Variants in NEDD4 observed in about 807,000 individuals in gnomAD.
NEDD4 encodes the protein NEDD4 E3 ubiquitin protein ligase.
Under a neutral mutation model 144.9 loss-of-function variants are expected in NEDD4, and 99 were observed. The observed-to-expected ratio is 0.68, with a 90% CI of 0.58 to 0.81. The LOEUF (loss-of-function observed/expected upper bound fraction) is 0.81, where lower values mean the gene tolerates loss of function less well. Among genes scored for constraint, NEDD4 ranks in the 30% least tolerant of loss-of-function variants. The pLI is 0.00. For synonymous variants in NEDD4, 318 were observed against 350.6 expected, an observed-to-expected ratio of 0.91 and a Z score of 1.04; for missense variants, 985 against 1,065.9, an observed-to-expected ratio of 0.92 and a Z score of 1.06.
intron 1 of NEDD4, among the ~76,000 whole-genome samples, 161 bp downstream of exon 1, chr15:55,993,350 C>T (rs903922675): frequency 1.3e-5 from 2 of 152,154 alleles, no homozygotes; most frequent in Non-Finnish European, 2.9e-5. Context: ...CCGAGCCGCC[C>T]CCACAGTCCC....
chr15:55,967,986 G>C (rs976485200), intron 1 of NEDD4, among the ~76,000 whole-genome samples: 1 of 152,130 alleles, frequency 6.6e-6, no homozygotes, highest in Non-Finnish European at 1.5e-5. Flanking sequence ...CTGGGTGACA[G>C]AGCAAGACCT....
At chr15:55,865,552 TA>T (rs34895974) in intron 8 of NEDD4, among the ~76,000 whole-genome samples, 12 of 149,118 alleles carry the variant, frequency 8.0e-5, no homozygotes, top group East Asian at 3.9e-4. Context: ...TAAATAACAT[TA>T]AAAAAAAAAA....
At chr15:55,941,375 C>T (rs1450742873) in intron 4 of NEDD4, among the ~76,000 whole-genome samples, 1 of 152,044 alleles carries the variant, frequency 6.6e-6, no homozygotes, top group Non-Finnish European at 1.5e-5. Flanking sequence ...AGCTTCATCC[C>T]ACATTTGGTA....
At chr15:55,956,215 AG>A (rs2037335836) in intron 2 of NEDD4, among the ~76,000 whole-genome samples, 1 of 152,160 alleles carries the variant, frequency 6.6e-6, no homozygotes. Flanking sequence ...ATGGACATTT[AG>A]GTTGTTTCCA....
chr15:55,915,774 T>C (rs2036418899), intron 5 of NEDD4: 1 of 1,613,598 alleles, frequency 6.2e-7, no homozygotes, highest in Non-Finnish European at 8.5e-7. Flanking sequence ...AAGAACAATT[T>C]TCTTCTGTAA....
intron 1 of NEDD4, among the ~76,000 whole-genome samples, chr15:55,982,498 T>C (rs182921296): frequency 2.6e-5 from 4 of 151,292 alleles, no homozygotes; most frequent in Non-Finnish European, 4.4e-5. Flanking sequence ...CACAAAAGAG[T>C]ACATAATGTA....
intron 4 of NEDD4, among the ~76,000 whole-genome samples, chr15:55,950,657 C>G (rs992087512): frequency 1.3e-5 from 2 of 152,086 alleles, no homozygotes; most frequent in African/African-American, 2.4e-5. Flanking sequence ...GGTTAACGAG[C>G]GTCCCGGAGA....
At chr15:55,943,111 T>C (rs1417371401) in intron 4 of NEDD4, among the ~76,000 whole-genome samples, 1 of 152,242 alleles carries the variant, frequency 6.6e-6, no homozygotes, top group African/African-American at 2.4e-5. Flanking sequence ...GTTCAAGAAG[T>C]GGCCTGGCTG....
chr15:55,829,880 A>G lies in NEDD4; in HGVS notation c.*17T>C. The G allele has an allele frequency of 1.3e-6, 2 of 1,591,744 alleles. No homozygotes were observed. The highest frequency in any genetic ancestry group is 1.7e-6 in the Non-Finnish European group (2 of 1,164,976). On this transcript the variant is annotated 3_prime_UTR_variant, in exon 29 of 29. Transcript: ENST00000435532. ...AAAACTATGGCAGTAAAAACACTACAGATTGTTATTTGTAATCTAATCAAC... is the reference window on the plus strand; with the variant it reads ...AAAACTATGGCAGTAAAAACACTACGGATTGTTATTTGTAATCTAATCAAC...
intron 14 of NEDD4, among the ~76,000 whole-genome samples, chr15:55,849,791 A>AT (rs1202773235): frequency 3.4e-5 from 5 of 145,392 alleles, no homozygotes; most frequent in African/African-American, 1.3e-4. Context: ...ATTTTAAGTA[A>AT]TTTTTTTTTT....
chr15:55,852,417 A>C lies in NEDD4; in HGVS notation c.1146+7T>G. 1.9e-6 allele frequency: 3 copies of C among 1,605,268 alleles called. No individual in the cohort carries two copies. Among genetic ancestry groups the C allele is most frequent in the Non-Finnish European group, 2.6e-6 (3 of 1,175,184 alleles). On this transcript the variant is annotated splice_region_variant and intron_variant, in intron 13 of 28. Coordinates refer to ENST00000435532, the MANE Select transcript of NEDD4 (RefSeq NM_006154.4). ...GTAAGAAAGCAAGTTGATAGATTACAGGATACCTGTACAGTGGGCTTTGTC... is the reference window on the plus strand; with the variant it reads ...GTAAGAAAGCAAGTTGATAGATTACCGGATACCTGTACAGTGGGCTTTGTC...
At chr15:55,899,454 A>G (rs142909749) in intron 5 of NEDD4, among the ~76,000 whole-genome samples, 2 of 152,190 alleles carry the variant, frequency 1.3e-5, no homozygotes, top group Non-Finnish European at 2.9e-5. Flanking sequence ...AGACTATAAC[A>G]TATCAATGAA....
At chr15:55,957,281 T>C (rs1195456044) in intron 2 of NEDD4, among the ~76,000 whole-genome samples, 1 of 150,308 alleles carries the variant, frequency 6.7e-6, no homozygotes, top group African/African-American at 2.5e-5. Context: ...GACTGTGTGA[T>C]TTTTTTTTCT....
At chr15:55,929,782 G>A (rs2036745212) in intron 4 of NEDD4, among the ~76,000 whole-genome samples, 1 of 151,798 alleles carries the variant, frequency 6.6e-6, no homozygotes, top group Admixed American at 6.6e-5. Flanking sequence ...GTCCTCAAAG[G>A]AAAAAGAGAT....
At chr15:55,922,510 C>T (rs2036587328) in intron 5 of NEDD4, among the ~76,000 whole-genome samples, 1 of 152,046 alleles carries the variant, frequency 6.6e-6, no homozygotes, top group Admixed American at 6.6e-5. Flanking sequence ...CTACAGGTGC[C>T]CACCATCACG....
intron 5 of NEDD4, among the ~76,000 whole-genome samples, chr15:55,911,678 C>T (rs1019399047): frequency 1.7e-4 from 26 of 151,966 alleles, no homozygotes; most frequent in Non-Finnish European, 3.4e-4. Flanking sequence ...TACAGGCGCG[C>T]GCCACCATGC....
chr15:55,898,820 A>T (rs921236418), intron 5 of NEDD4, among the ~76,000 whole-genome samples: 1 of 151,510 alleles, frequency 6.6e-6, no homozygotes, highest in Non-Finnish European at 1.5e-5. Flanking sequence ...ATTTTTTTTT[A>T]AATAGAGACA....
intron 2 of NEDD4, among the ~76,000 whole-genome samples, chr15:55,957,574 A>G (rs200377508): frequency 6.6e-6 from 1 of 152,154 alleles, no homozygotes; most frequent in South Asian, 2.1e-4. Context: ...CGATTCCTCA[A>G]GGATCTAGAA....
intron 4 of NEDD4, among the ~76,000 whole-genome samples, chr15:55,949,346 G>C (rs1387709864): frequency 2.0e-5 from 3 of 152,310 alleles, no homozygotes; most frequent in Non-Finnish European, 4.4e-5. Flanking sequence ...CTTTTACACT[G>C]TTGGTGGGAC....
Sources: allele counts gnomAD v4.1 joint callset (sites outside exome capture counted in the v4.1 genomes callset), GRCh38; gene constraint gnomAD v4.1.1; transcripts MANE v1.5; gene names NCBI Gene and HGNC (gene_info 2026-07-23, HGNC 2026-07-21).